The following SLC25A21 variants were observed in gnomAD, a reference collection of about 807,000 sequenced individuals.
SLC25A21 encodes solute carrier family 25 member 21.
Under a neutral mutation model 43.8 loss-of-function variants are expected in SLC25A21, and 47 were observed. The ratio of observed to expected loss-of-function variants is 1.07; its 90% CI spans 0.85 to 1.37. The LOEUF (loss-of-function observed/expected upper bound fraction) is 1.37. Ranked by LOEUF, SLC25A21 falls within the 40% of genes most tolerant of loss-of-function variation. SLC25A21 has a pLI of 0.00. For missense variants in SLC25A21, 352 were observed against 350.2 expected (o/e 1.00, Z -0.04); for synonymous variants, 131 against 121.3 (o/e 1.08, Z -0.52).
chr14:36,740,808 C>A (rs1166739344), intron 3 of SLC25A21, among the ~76,000 whole-genome samples: 1 of 152,156 alleles, frequency 6.6e-6, no homozygotes, highest in Non-Finnish European at 1.5e-5. Flanking sequence ...AAGATGCCTT[C>A]TTATTGTCTC....
At chr14:36,697,836 C>T (rs1165693298) in intron 7 of SLC25A21, among the ~76,000 whole-genome samples, 1 of 139,868 alleles carries the variant, frequency 7.1e-6, no homozygotes, top group Non-Finnish European at 1.5e-5. Context: ...CTCCTGAATA[C>T]AGCACACTGA....
At chr14:36,685,066 T>A (rs528200258) in intron 7 of SLC25A21, 141 bp from the exon 8 acceptor site, 185 of 598,870 alleles carry the variant, frequency 3.1e-4, no homozygotes, top group Non-Finnish European at 4.7e-4. Context: ...CATTAGGATT[T>A]CCTAGGCTGG....
intron 1 of SLC25A21, among the ~76,000 whole-genome samples, chr14:36,929,241 T>C (rs1172555506): frequency 6.6e-6 from 1 of 152,168 alleles, no homozygotes; most frequent in Non-Finnish European, 1.5e-5. Flanking sequence ...TAGAACACAG[T>C]GGTCTGTAAC....
intron 1 of SLC25A21, among the ~76,000 whole-genome samples, chr14:37,012,577 T>C (rs1012924871): frequency 1.3e-5 from 2 of 152,186 alleles, no homozygotes; most frequent in African/African-American, 4.8e-5. Flanking sequence ...ACAGAAAGTT[T>C]AGTATTTTCT....
chr14:36,923,092 A>G (rs1892026350), intron 1 of SLC25A21, among the ~76,000 whole-genome samples: 1 of 152,182 alleles, frequency 6.6e-6, no homozygotes, highest in South Asian at 2.1e-4. Flanking sequence ...TTAAGGGGAA[A>G]CTATAAATCA....
At chr14:37,125,440 A>C (rs1447695396) in intron 1 of SLC25A21, among the ~76,000 whole-genome samples, 1 of 152,200 alleles carries the variant, frequency 6.6e-6, no homozygotes. Context: ...ACTGTAAAAC[A>C]AGGCAGGTGG....
At chr14:36,829,925 T>C (rs1888972592) in intron 2 of SLC25A21, among the ~76,000 whole-genome samples, 1 of 146,508 alleles carries the variant, frequency 6.8e-6, no homozygotes, top group Non-Finnish European at 1.5e-5. Context: ...TTGTCTGCTG[T>C]TGCATTTTTT....
At position 36,813,972 on chromosome 14, in the gene SLC25A21, G is replaced by C. The variant is rs1268333429; in HGVS notation, c.149C>G (p.Pro50Arg). The change falls in exon 3 of 10, where the codon CCA becomes CGA. Residue 50 changes from proline to arginine, a missense_variant. Coordinates refer to ENST00000331299, the MANE Select transcript of SLC25A21 (RefSeq NM_030631.4). ...GTCTACCAAGCTTTTATAACTGTTT[G>C]GATCGGTTGCACATCTCTGAATCTG... Reference protein sequence around the residue: ...RFQIQRCATDPNSYKSLVDSF... With the variant: ...RFQIQRCATDRNSYKSLVDSF... 6.2e-7 allele frequency: 1 copy of C among 1,609,846 alleles called. No individual in the cohort carries two copies.
intron 1 of SLC25A21, among the ~76,000 whole-genome samples, chr14:36,889,356 A>G (rs1891015249): frequency 6.6e-6 from 1 of 152,250 alleles, no homozygotes; most frequent in Non-Finnish European, 1.5e-5. Context: ...CAGCTGAAGA[A>G]CAATATTTGG....
chr14:36,941,941 C>A (rs1441173263), intron 1 of SLC25A21, among the ~76,000 whole-genome samples: 2 of 151,888 alleles, frequency 1.3e-5, no homozygotes, highest in African/African-American at 4.8e-5. Flanking sequence ...AATGATACAT[C>A]AAATTACATG....
chr14:37,114,788 C>CGGG (rs145974273), intron 1 of SLC25A21, among the ~76,000 whole-genome samples: 2 of 150,648 alleles, frequency 1.3e-5, no homozygotes, highest in African/African-American at 4.9e-5. Flanking sequence ...ATTTTTATGG[C>CGGG]GGGGGGGGAA....
intron 6 of SLC25A21, among the ~76,000 whole-genome samples, chr14:36,716,434 A>T (rs1884138410): frequency 6.6e-6 from 1 of 152,214 alleles, no homozygotes; most frequent in African/African-American, 2.4e-5. Flanking sequence ...AAAAATAGTC[A>T]CTATGTGAGA....
chr14:37,068,644 T>C (rs925113609), intron 1 of SLC25A21, among the ~76,000 whole-genome samples: 3 of 152,232 alleles, frequency 2.0e-5, no homozygotes, highest in African/African-American at 7.2e-5. Flanking sequence ...CATTGCTAGA[T>C]GCTAATAATT....
At chr14:36,710,235 C>A (rs555744168) in intron 7 of SLC25A21, among the ~76,000 whole-genome samples, 1 of 151,454 alleles carries the variant, frequency 6.6e-6, no homozygotes, top group Admixed American at 6.6e-5. Context: ...TAGCTGGGTG[C>A]GGTGGTGGGC....
intron 6 of SLC25A21, among the ~76,000 whole-genome samples, chr14:36,715,890 G>T (rs969736429): frequency 1.3e-5 from 2 of 151,964 alleles, no homozygotes; most frequent in Non-Finnish European, 2.9e-5. Context: ...TCAGGAGTGC[G>T]AGACCAGCTG....
intron 1 of SLC25A21, among the ~76,000 whole-genome samples, chr14:36,885,178 C>T (rs1324170997): frequency 2.0e-5 from 3 of 152,124 alleles, no homozygotes; most frequent in South Asian, 2.1e-4. Flanking sequence ...CTGTTCTGCA[C>T]GTGGATATCC....
At position 36,680,553 on chromosome 14, in the gene SLC25A21, T is replaced by G; in HGVS notation, c.*105A>C. 7.0e-7 allele frequency: 1 copy of G among 1,436,176 alleles called. No homozygotes were observed. Among genetic ancestry groups the G allele is most frequent in the South Asian group, 1.7e-5 (1 of 57,914 alleles). 89.0% of individuals were successfully genotyped at this position (1,436,176 alleles called of 1,614,324 possible). A position where few individuals can be genotyped will look rare whatever the true frequency, so the allele number is the denominator to read the frequency against. ...AAATAGATTTTGTTCTTGAACAGTTTTCTCCTTCATAATTATACACCTGGC... is the reference window on the plus strand; with the variant it reads ...AAATAGATTTTGTTCTTGAACAGTTGTCTCCTTCATAATTATACACCTGGC... On this transcript the variant is annotated 3_prime_UTR_variant, in exon 10 of 10. Transcript: ENST00000331299.
chr14:36,955,756 T>A (rs1343218498), intron 1 of SLC25A21, among the ~76,000 whole-genome samples: 1 of 152,178 alleles, frequency 6.6e-6, no homozygotes, highest in Non-Finnish European at 1.5e-5. Context: ...GTTTTTTCAT[T>A]GAAGAGAGTA....
chr14:37,042,460 T>C (rs1961493918), intron 1 of SLC25A21, among the ~76,000 whole-genome samples: 2 of 152,192 alleles, frequency 1.3e-5, no homozygotes, highest in Admixed American at 1.3e-4. Flanking sequence ...TCTTAGACTC[T>C]CCCATTTTCT....
Sources: gnomAD v4.1 joint callset for allele counts (sites outside exome capture counted in the v4.1 genomes callset) on GRCh38, gnomAD v4.1.1 for gene constraint, MANE v1.5 for transcripts, NCBI Gene and HGNC (gene_info 2026-07-23, HGNC 2026-07-21) for gene names.